The following HUNK variants were observed in gnomAD, a reference collection of about 807,000 sequenced individuals.
HUNK encodes hormonally up-regulated neu tumor-associated kinase.
A neutral mutation model predicts 61.0 loss-of-function variants in HUNK; 21 were observed. The ratio of observed to expected loss-of-function variants is 0.34; its 90% CI spans 0.24 to 0.50. The LOEUF is 0.50. Ranked by LOEUF, HUNK falls within the 20% of genes least tolerant of loss-of-function variation. The pLI, the probability that HUNK is intolerant of heterozygous loss-of-function variation, is 0.98. For synonymous variants in HUNK, 371 were observed against 386.1 expected, an observed-to-expected ratio of 0.96 and a Z score of 0.46; for missense variants, 772 against 945.7, an observed-to-expected ratio of 0.82 and a Z score of 2.41.
chr21:31,883,533 G>A (rs568663559), intron 1 of HUNK, among the ~76,000 whole-genome samples: 1 of 152,198 alleles, frequency 6.6e-6, no homozygotes, highest in South Asian at 2.1e-4. Context: ...TCGTCTTTGA[G>A]TGATATATTT....
chr21:31,900,997 C>T (rs1254617819), intron 1 of HUNK, among the ~76,000 whole-genome samples: 1 of 152,084 alleles, frequency 6.6e-6, no homozygotes, highest in African/African-American at 2.4e-5. Context: ...CTGGCACTTC[C>T]GTGGCTACTG....
chr21:31,917,691 AACATACAC>A (rs1269731465), intron 1 of HUNK, among the ~76,000 whole-genome samples: 2,532 of 54,566 alleles, frequency 0.046, 59 homozygotes, highest in South Asian at 0.11. Flanking sequence ...CCCATTCCCA[AACATACAC>A]ACACACACAC....
intron 7 of HUNK, among the ~76,000 whole-genome samples, chr21:31,977,093 C>G (rs1275867375): frequency 6.6e-6 from 1 of 152,124 alleles, no homozygotes; most frequent in Non-Finnish European, 1.5e-5. Flanking sequence ...TGCAAAAAGA[C>G]TATATTCCCC....
At chr21:31,932,012 CAT>C (rs35515171) in intron 2 of HUNK, among the ~76,000 whole-genome samples, 17,333 of 152,240 alleles carry the variant, frequency 0.11, 1,133 homozygotes, top group East Asian at 0.22. Flanking sequence ...TATGTGCAAA[CAT>C]GTGTACATTC....
At position 31,999,106 on chromosome 21, in the gene HUNK, C is replaced by T; in HGVS notation, c.2067C>T (p.Ala689=). ...CATCTGCAGATAGGCCCCTGGAGGC[C>T]AGCCTGCCCCCACTGCAGCCCCTAG... ...LQPSADRPLE[A]SLPPLQPLAP... is the part of the protein sequence containing the mutation. The change falls in exon 11 of 11, where the codon GCC becomes GCT. Residue 689 remains alanine (A), a synonymous_variant. Coordinates refer to ENST00000270112, the MANE Select transcript of HUNK (RefSeq NM_014586.2). 5 of 1,614,178 alleles carry T rather than the reference C, an allele frequency of 3.1e-6. No homozygotes were observed. Among genetic ancestry groups the T allele is most frequent in the Non-Finnish European group, 4.2e-6 (5 of 1,180,002 alleles).
intron 9 of HUNK, among the ~76,000 whole-genome samples, chr21:31,994,070 A>G (rs940108748): frequency 6.6e-6 from 1 of 152,194 alleles, no homozygotes; most frequent in Admixed American, 6.5e-5. Context: ...GTTTCTTCAC[A>G]TGTAAAGGAG....
In HUNK at chr21:31,999,894, G is replaced by T. The variant is rs1365418599; in HGVS notation, c.*710G>T. On this transcript the variant is annotated 3_prime_UTR_variant, in exon 11 of 11. Transcript: ENST00000270112. ...TCCAAAGATTTTTTTTAAATGTGAT[G>T]TCGGTAAATTGAAATAACATAATTT... 3.0e-6 allele frequency: 1 copy of T among 337,118 alleles called. No homozygotes were observed. The highest frequency in any genetic ancestry group is 5.3e-6 in the Non-Finnish European group (1 of 187,868). 20.9% of individuals were successfully genotyped at this position (337,118 alleles called of 1,614,324 possible).
At position 31,958,285 on chromosome 21, in the gene HUNK, A is replaced by ACTTT. The variant is rs370819225; in HGVS notation, c.747-537_747-534dup. Among the ~76,000 whole-genome samples, 1,102 of 149,210 alleles carry ACTTT rather than the reference A, an allele frequency of 7.4e-3. 7 individuals carry two copies. Among genetic ancestry groups the ACTTT allele is most frequent in the African/African-American group, 0.022 (892 of 40,478 alleles). ...TCACATTCAAGTGCTCTCACCCAAG[A>ACTTT]CTTTCTTTCTTTCTTTCTTTCTTTT... On this transcript the variant is annotated intron_variant, in intron 4 of 10. Coordinates refer to ENST00000270112, the MANE Select transcript of HUNK (RefSeq NM_014586.2).
In HUNK at chr21:31,969,077, C is replaced by T. The variant is rs375009645; in HGVS notation, c.1010+692C>T. Among the ~76,000 whole-genome samples, 6 of 152,008 alleles carry T rather than the reference C, an allele frequency of 3.9e-5. No individual in the cohort carries two copies. In the South Asian group the frequency reaches 1.3e-3, roughly 32 times the overall value. ...ATTTTTAGTAGAGACGGGGTTTCAC[C>T]TCTTGCCCAGGCTGGTCTTGAACTC... On this transcript the variant is annotated intron_variant, in intron 6 of 10. Transcript: ENST00000270112.
At chr21:31,965,945 G>A (rs1422302183) in intron 5 of HUNK, among the ~76,000 whole-genome samples, 3 of 152,086 alleles carry the variant, frequency 2.0e-5, no homozygotes, top group African/African-American at 7.2e-5. Context: ...TGAGGAACAG[G>A]TGGTGTTTGG....
chr21:31,917,743 CACACACACACACA>C (rs1568924777), intron 1 of HUNK, among the ~76,000 whole-genome samples: 11 of 146,772 alleles, frequency 7.5e-5, no homozygotes, highest in Non-Finnish European at 1.5e-4. Context: ...CACACACACA[CACACACACACACA>C]CCCCTGGACT....
At chr21:31,962,204 G>T (rs1208465167) in intron 5 of HUNK, among the ~76,000 whole-genome samples, 7 of 152,226 alleles carry the variant, frequency 4.6e-5, no homozygotes, top group African/African-American at 1.7e-4. Context: ...AGAGAATGGG[G>T]CAGTGCAACC....
chr21:31,983,447 G>A (rs737103), intron 7 of HUNK, 79 bp from the exon 8 acceptor site: 305,664 of 1,157,912 alleles, frequency 0.26, 45,152 homozygotes, highest in East Asian at 0.51. Context: ...CCAAGCGCTG[G>A]TTTAAAAATT....
chr21:31,899,031 T>A (rs910175489), intron 1 of HUNK, among the ~76,000 whole-genome samples: 1 of 151,934 alleles, frequency 6.6e-6, no homozygotes, highest in Non-Finnish European at 1.5e-5. Flanking sequence ...CCCACCCTCT[T>A]CCCTTGTTCT....
rs1411818747 is a variant in HUNK, at chr21:31,892,176, TATATAGAG to T, written c.261+18243_261+18250del. On this transcript the variant is annotated intron_variant, in intron 1 of 10. Transcript: ENST00000270112. ...AAAAAAAAAAAAATATATATATATA[TATATAGAG>T]AGAGAGAGAGAGAGAGAGAGAGAGA... Among the ~76,000 whole-genome samples, 109 of 116,446 alleles carry T rather than the reference TATATAGAG, an allele frequency of 9.4e-4. 1 individual carries two copies. In the East Asian group the frequency reaches 0.014, roughly 15 times the overall value. The allele number at this position is 116,446 out of a possible 152,430, so 76.4% of individuals were successfully genotyped here.
intron 1 of HUNK, among the ~76,000 whole-genome samples, chr21:31,874,338 G>T (rs1181574560): frequency 7.0e-6 from 1 of 142,582 alleles, no homozygotes. Flanking sequence ...GTCGGGGGGC[G>T]GGGGGGGCAG....
At chr21:31,986,828 C>T (rs2105474) in intron 8 of HUNK, among the ~76,000 whole-genome samples, 46,215 of 152,016 alleles carry the variant, frequency 0.3, 7,393 homozygotes, top group Admixed American at 0.36. Context: ...TGGGCACCTG[C>T]TGTTCCCTGA....
intron 2 of HUNK, among the ~76,000 whole-genome samples, chr21:31,938,590 G>A (rs907322674): frequency 6.6e-5 from 10 of 152,068 alleles, no homozygotes; most frequent in African/African-American, 2.4e-4. Flanking sequence ...TGCCGTTTTT[G>A]TTTTAACATG....
intron 1 of HUNK, among the ~76,000 whole-genome samples, chr21:31,874,262 C>G (rs1371878403): frequency 6.7e-6 from 1 of 149,184 alleles, no homozygotes; most frequent in Non-Finnish European, 1.5e-5. Context: ...CTCTGCCCTT[C>G]AGGCCGGCAG....
Sources: gnomAD v4.1 joint callset for allele counts (sites outside exome capture counted in the v4.1 genomes callset) on GRCh38, gnomAD v4.1.1 for gene constraint, MANE v1.5 for transcripts, NCBI Gene and HGNC (gene_info 2026-07-23, HGNC 2026-07-21) for gene names.